The following ABCC4 variants were observed in gnomAD, a reference collection of about 807,000 sequenced individuals.
ABCC4 encodes ATP-binding cassette sub-family C member 4.
ABCC4 carries 102 observed loss-of-function variants against 168.5 expected under a neutral mutation model. The ratio of observed to expected loss-of-function variants is 0.61; its 90% CI spans 0.52 to 0.71. The LOEUF is 0.71. ABCC4 is among the 30% of genes least tolerant of loss of function. ABCC4 has a pLI of 0.00. For synonymous variants in ABCC4, 617 were observed against 590.7 expected (o/e 1.04, Z -0.65); for missense variants, 1,402 against 1,605.8 (o/e 0.87, Z 2.17).
Position 95,244,621 on chromosome 13 carries a change from GAAA to G in ABCC4, c.306+2351_306+2353del, listed in dbSNP as rs1298755703. Among the ~76,000 whole-genome samples the G allele has an allele frequency of 1.0e-4, 7 of 67,302 alleles. 3 individuals carry two copies. Among genetic ancestry groups the G allele is most frequent in the African/African-American group, 1.5e-4 (2 of 13,512 alleles). 44.2% of individuals were successfully genotyped at this position (67,302 alleles called of 152,430 possible). A position where few individuals can be genotyped will look rare whatever the true frequency, so the allele number is the denominator to read the frequency against. The stretch of plus-strand genomic sequence containing the variant: ...TGAAAGAAAGAAAGAAAGAAAGAAA[GAAA>G]GAAAGAAAGAAAGAAAGAAAGAAAG... On this transcript the variant is annotated intron_variant, in intron 3 of 30. Transcript: ENST00000645237.
intron 1 of ABCC4, among the ~76,000 whole-genome samples, chr13:95,289,374 G>C (rs1383185647): frequency 2.6e-5 from 4 of 152,186 alleles, no homozygotes; most frequent in Admixed American, 2.6e-4. Flanking sequence ...TGCAGCTCAT[G>C]CTTTGGAATT....
intron 19 of ABCC4, among the ~76,000 whole-genome samples, chr13:95,120,401 C>T (rs1162497118): frequency 6.6e-6 from 1 of 151,824 alleles, no homozygotes; most frequent in African/African-American, 2.4e-5. Context: ...CCTGTCTCTA[C>T]TAAAACTACA....
At chr13:95,238,627 C>T (rs1438139771) in intron 3 of ABCC4, among the ~76,000 whole-genome samples, 1 of 152,234 alleles carries the variant, frequency 6.6e-6, no homozygotes, top group African/African-American at 2.4e-5. Flanking sequence ...GCAATCTCAG[C>T]TCACCGCAAC....
At chr13:95,117,798 G>A (rs117193997) in intron 19 of ABCC4, among the ~76,000 whole-genome samples, 4,228 of 150,916 alleles carry the variant, frequency 0.028, 78 homozygotes, top group Non-Finnish European at 0.046. Flanking sequence ...AAAAAAGATA[G>A]GCCAGGTATG....
rs77572915 is a variant in ABCC4 at position 95,165,757 on chromosome 13, T to C, written c.2034+401A>G. 2.6e-5 allele frequency among the ~76,000 whole-genome samples: 4 copies of C among 152,294 alleles called. No homozygotes were observed. In the East Asian group the frequency reaches 7.7e-4, roughly 29 times the overall value. ...TCCAACATACAGGAAAAGTGGCTAA[T>C]TTCATGTGGCCCACAGCAGGACTTT... is the stretch of plus-strand genomic sequence containing the variant. On this transcript the variant is annotated intron_variant, in intron 15 of 30. Coordinates refer to ENST00000645237, the MANE Select transcript of ABCC4 (RefSeq NM_005845.5).
rs532713269 is a variant in ABCC4, at chr13:95,044,162, T to C, written c.3629+104A>G. On this transcript the variant is annotated intron_variant, in intron 28 of 30. Transcript: ENST00000645237. ...TTTATCCATGTTAAAATGTTATGTC[T>C]GGGGCAAACAGAGCACTTAGAAATA... The C allele has an allele frequency of 2.1e-5, 25 of 1,163,354 alleles. No individual in the cohort carries two copies. In the East Asian group the frequency reaches 6.6e-4, roughly 31 times the overall value. The allele number at this position is 1,163,354 out of a possible 1,614,324, so 72.1% of individuals were successfully genotyped here.
chr13:95,300,117 G>A (rs147059872), intron 1 of ABCC4, among the ~76,000 whole-genome samples: 92 of 152,302 alleles, frequency 6.0e-4, no homozygotes, highest in African/African-American at 2.0e-3. Context: ...AGGGATACAG[G>A]CGTGAGCCAC....
intron 1 of ABCC4, among the ~76,000 whole-genome samples, chr13:95,266,644 C>G (rs1377798654): frequency 6.6e-6 from 1 of 152,104 alleles, no homozygotes; most frequent in Non-Finnish European, 1.5e-5. Context: ...CAGCAGAGTT[C>G]AGAGCCCTCG....
chr13:95,063,273 A>C (rs1316592692), intron 25 of ABCC4, among the ~76,000 whole-genome samples: 1 of 152,240 alleles, frequency 6.6e-6, no homozygotes, highest in Non-Finnish European at 1.5e-5. Flanking sequence ...TGAAAAGGCA[A>C]CTTTTAAATT....
At chr13:95,281,389 C>G (rs1051965408) in intron 1 of ABCC4, among the ~76,000 whole-genome samples, 1 of 149,776 alleles carries the variant, frequency 6.7e-6, no homozygotes, top group Non-Finnish European at 1.5e-5. Context: ...ACAGCTTACA[C>G]TGGACAGGCT....
chr13:95,158,405 T>C (rs2036950356), intron 19 of ABCC4, among the ~76,000 whole-genome samples: 1 of 152,112 alleles, frequency 6.6e-6, no homozygotes. Context: ...GATGGGGATA[T>C]GAGGGACGTC....
At chr13:95,280,416 CAAAA>C (rs10708482) in intron 1 of ABCC4, among the ~76,000 whole-genome samples, 4 of 90,476 alleles carry the variant, frequency 4.4e-5, no homozygotes, top group African/African-American at 4.6e-5. Context: ...GACTCCATCT[CAAAA>C]AAAAAAAAAA....
intron 10 of ABCC4, among the ~76,000 whole-genome samples, chr13:95,187,883 T>TA (rs1172676061): frequency 6.6e-6 from 1 of 152,146 alleles, no homozygotes; most frequent in Non-Finnish European, 1.5e-5. Context: ...TCAGAGCACT[T>TA]ACGACACTGA....
chr13:95,228,276 T>C (rs533046185), intron 4 of ABCC4, among the ~76,000 whole-genome samples: 1 of 152,098 alleles, frequency 6.6e-6, no homozygotes, highest in East Asian at 1.9e-4. Flanking sequence ...CGCATGACGG[T>C]GCATTTATTT....
At chr13:95,157,933 G>C (rs1231409743) in intron 19 of ABCC4, among the ~76,000 whole-genome samples, 1 of 152,054 alleles carries the variant, frequency 6.6e-6, no homozygotes, top group Non-Finnish European at 1.5e-5. Flanking sequence ...TTAGCCGGGC[G>C]TGGTGGTGGG....
intron 11 of ABCC4, among the ~76,000 whole-genome samples, chr13:95,181,502 C>T (rs908210632): frequency 3.9e-5 from 6 of 152,240 alleles, no homozygotes; most frequent in African/African-American, 1.4e-4. Flanking sequence ...CTTCTAGGTT[C>T]CTAAGGCTTT....
intron 26 of ABCC4, among the ~76,000 whole-genome samples, chr13:95,060,257 A>T (rs1171596805): frequency 1.3e-5 from 2 of 152,228 alleles, no homozygotes; most frequent in African/African-American, 2.4e-5. Context: ...TGGACTACAT[A>T]CATAGAGCAT....
chr13:95,300,831 C>T (rs370709951), intron 1 of ABCC4, among the ~76,000 whole-genome samples: 22 of 152,324 alleles, frequency 1.4e-4, no homozygotes, highest in African/African-American at 5.3e-4. Context: ...CTGCGAGTCC[C>T]AGAGCAGGAG....
chr13:95,104,402 A>G (rs1478059006), intron 20 of ABCC4, among the ~76,000 whole-genome samples: 1 of 152,078 alleles, frequency 6.6e-6, no homozygotes, highest in East Asian at 1.9e-4. Flanking sequence ...GCATGAAAAA[A>G]CATGTCCGGG....
Sources: allele counts gnomAD v4.1 joint callset (sites outside exome capture counted in the v4.1 genomes callset), GRCh38; gene constraint gnomAD v4.1.1; transcripts MANE v1.5; gene names NCBI Gene and HGNC (gene_info 2026-07-23, HGNC 2026-07-21).